MAPK10: variants seen among roughly 807,000 people sequenced by gnomAD.
MAPK10 encodes the protein JNK3 alpha protein kinase.
MAPK10 carries 25 observed loss-of-function variants against 59.3 expected under a neutral mutation model. That is an observed-to-expected ratio of 0.42 (90% CI 0.31 to 0.59). The LOEUF (loss-of-function observed/expected upper bound fraction) is 0.59, where lower values mean the gene tolerates loss of function less well. Among genes scored for constraint, MAPK10 ranks in the 20% least tolerant of loss-of-function variants. The pLI is 0.15. For missense variants in MAPK10, 351 were observed against 568.9 expected (o/e 0.62, Z 3.90); for synonymous variants, 190 against 200.5 (o/e 0.95, Z 0.44).
intron 4 of MAPK10, among the ~76,000 whole-genome samples, chr4:86,114,195 C>G (rs1438079338): frequency 1.3e-5 from 2 of 152,198 alleles, no homozygotes; most frequent in Admixed American, 6.5e-5. Context: ...TTATTACCCA[C>G]CTTTTGAAGA....
At chr4:86,523,274 C>T (rs1172373235) in intron 1 of MAPK10, among the ~76,000 whole-genome samples, 5 of 152,102 alleles carry the variant, frequency 3.3e-5, no homozygotes, top group Non-Finnish European at 5.9e-5. Flanking sequence ...TTGTGGAACA[C>T]ACTGACCCCC....
At chr4:86,259,526 G>C (rs964146123) in intron 2 of MAPK10, among the ~76,000 whole-genome samples, 1 of 152,086 alleles carries the variant, frequency 6.6e-6, no homozygotes, top group Non-Finnish European at 1.5e-5. Context: ...ATGTGAAAAT[G>C]AATCTGTGCT....
chr4:86,136,569 A>G (rs533057653), intron 4 of MAPK10, among the ~76,000 whole-genome samples: 2,645 of 145,276 alleles, frequency 0.018, 111 homozygotes, highest in African/African-American at 0.069. Context: ...AGTACCAGCC[A>G]CTGCAAAATC....
chr4:86,585,290 A>G (rs1171993527), intron 1 of MAPK10, among the ~76,000 whole-genome samples: 2 of 152,220 alleles, frequency 1.3e-5, no homozygotes, highest in African/African-American at 4.8e-5. Flanking sequence ...CTATGGAAAG[A>G]CAAATCATTG....
chr4:86,207,817 T>C (rs1161947714), intron 2 of MAPK10, among the ~76,000 whole-genome samples: 2 of 152,174 alleles, frequency 1.3e-5, no homozygotes, highest in Non-Finnish European at 2.9e-5. Flanking sequence ...CAATTGTGAA[T>C]GGGAGTTCAC....
intron 1 of MAPK10, among the ~76,000 whole-genome samples, chr4:86,545,199 G>A (rs988957193): frequency 2.6e-5 from 4 of 152,248 alleles, no homozygotes; most frequent in African/African-American, 9.6e-5. Context: ...ATTTTGAAAT[G>A]AGTGCAAGGA....
chr4:86,547,030 C>G (rs908738891), intron 1 of MAPK10, among the ~76,000 whole-genome samples: 1 of 151,888 alleles, frequency 6.6e-6, no homozygotes, highest in African/African-American at 2.4e-5. Flanking sequence ...CCAGCCTGGG[C>G]GACAGAGCGA....
chr4:86,246,358 G>A (rs1468785255), intron 2 of MAPK10, among the ~76,000 whole-genome samples: 3 of 152,194 alleles, frequency 2.0e-5, no homozygotes, highest in Admixed American at 2.0e-4. Context: ...GTGAACCCAT[G>A]AGGCGGAGCT....
At chr4:86,480,574 C>T (rs1031276342) in intron 1 of MAPK10, among the ~76,000 whole-genome samples, 1 of 152,032 alleles carries the variant, frequency 6.6e-6, no homozygotes, top group Admixed American at 6.6e-5. Context: ...TCCCTCCCAC[C>T]CTGACACAAA....
At chr4:86,465,136 A>T (rs1752086312) in intron 1 of MAPK10, among the ~76,000 whole-genome samples, 1 of 152,176 alleles carries the variant, frequency 6.6e-6, no homozygotes, top group South Asian at 2.1e-4. Context: ...GATGTCACAC[A>T]TGTTCCCTTG....
intron 1 of MAPK10, among the ~76,000 whole-genome samples, chr4:86,414,038 C>T (rs139219765): frequency 8.5e-5 from 13 of 152,194 alleles, no homozygotes; most frequent in African/African-American, 2.9e-4. Context: ...TGTTCCTATT[C>T]GGCCACCTTA....
chr4:86,568,971 T>C (rs1761258791), intron 1 of MAPK10, among the ~76,000 whole-genome samples: 1 of 152,086 alleles, frequency 6.6e-6, no homozygotes, highest in South Asian at 2.1e-4. Flanking sequence ...ACTGAAAAGC[T>C]TCTGCACAGC....
At chr4:86,032,879 G>A (rs1057273629) in intron 11 of MAPK10, among the ~76,000 whole-genome samples, 34 of 152,198 alleles carry the variant, frequency 2.2e-4, no homozygotes, top group Non-Finnish European at 2.9e-5. Context: ...ACGTTTGACT[G>A]ATACTGGGGC....
At chr4:86,126,230 T>C (rs1454656229) in intron 4 of MAPK10, among the ~76,000 whole-genome samples, 1 of 152,126 alleles carries the variant, frequency 6.6e-6, no homozygotes, top group Non-Finnish European at 1.5e-5. Flanking sequence ...CCTTTGTTAC[T>C]GCTCTGTCCC....
At chr4:86,533,589 G>T (rs1250178546) in intron 1 of MAPK10, among the ~76,000 whole-genome samples, 1 of 152,080 alleles carries the variant, frequency 6.6e-6, no homozygotes, top group African/African-American at 2.4e-5. Context: ...GACAATATTT[G>T]CTCTGCAAGT....
intron 2 of MAPK10, among the ~76,000 whole-genome samples, chr4:86,317,839 A>G (rs2095818950): frequency 6.6e-6 from 1 of 152,174 alleles, no homozygotes; most frequent in Non-Finnish European, 1.5e-5. Flanking sequence ...TTATTCTCTC[A>G]CAGTGCTGGA....
rs1417631372 is a variant in MAPK10 at position 86,015,894 on chromosome 4, G to A, written c.*1334C>T. ...GAGGAATAACAATGTCTCTGGAGATGTTTTCAAATGCTAACCTGAGACTCA... is the reference window on the plus strand; with the variant it reads ...GAGGAATAACAATGTCTCTGGAGATATTTTCAAATGCTAACCTGAGACTCA... On this transcript the variant is annotated 3_prime_UTR_variant, in exon 14 of 14. Coordinates refer to ENST00000641462, the MANE Select transcript of MAPK10 (RefSeq NM_138982.4). The A allele has an allele frequency of 1.3e-5, 2 of 152,152 alleles. No homozygotes were observed. Among genetic ancestry groups the A allele is most frequent in the African/African-American group, 2.4e-5 (1 of 41,434 alleles). 9.4% of individuals were successfully genotyped at this position (152,152 alleles called of 1,614,324 possible).
intron 1 of MAPK10, among the ~76,000 whole-genome samples, chr4:86,513,445 T>C (rs771987381): frequency 7.2e-5 from 11 of 152,174 alleles, no homozygotes; most frequent in Non-Finnish European, 1.5e-5. Flanking sequence ...TCATAAGATA[T>C]TAGATGACAA....
At chr4:86,197,528 T>C (rs1474657089) in intron 2 of MAPK10, among the ~76,000 whole-genome samples, 1 of 152,166 alleles carries the variant, frequency 6.6e-6, no homozygotes, top group East Asian at 1.9e-4. Flanking sequence ...GCCAGCCATC[T>C]TGCCAGCCAC....
Sources: gnomAD v4.1 joint callset for allele counts (sites outside exome capture counted in the v4.1 genomes callset) on GRCh38, gnomAD v4.1.1 for gene constraint, MANE v1.5 for transcripts, NCBI Gene and HGNC (gene_info 2026-07-23, HGNC 2026-07-21) for gene names.